CEL: variants seen among roughly 807,000 people sequenced by gnomAD.
CEL encodes the protein bile salt-activated lipase.
In CEL, 39 loss-of-function variants were observed where a neutral mutation model predicts 57.1. The observed-to-expected ratio is 0.68, with a 90% confidence interval of 0.53 to 0.89. The LOEUF (loss-of-function observed/expected upper bound fraction) is 0.89, where lower values mean the gene tolerates loss of function less well. Among genes scored for constraint, CEL ranks in the 40% least tolerant of loss-of-function variants. CEL has a pLI of 0.00. For synonymous variants in CEL, 314 were observed against 396.6 expected (o/e 0.79, Z 2.48); for missense variants, 698 against 915.0 (o/e 0.76, Z 3.06).
chr9:133,070,946 G>C (rs747404638), intron 10 of CEL, 41 bp from the exon 11 acceptor site: 1 of 1,607,194 alleles, frequency 6.2e-7, no homozygotes, highest in East Asian at 2.2e-5. Flanking sequence ...TCAGCCCCCT[G>C]GGAGTCCCCA....
intron 1 of CEL, among the ~76,000 whole-genome samples, chr9:133,062,790 G>A (rs1238125148): frequency 6.6e-6 from 1 of 151,604 alleles, no homozygotes; most frequent in Non-Finnish European, 1.5e-5. Flanking sequence ...GTGGAGAGAA[G>A]CAGGCAGGCA....
chr9:133,065,573 G>A (rs1315672135), intron 4 of CEL, among the ~76,000 whole-genome samples: 18 of 152,204 alleles, frequency 1.2e-4, no homozygotes, highest in African/African-American at 4.3e-4. Flanking sequence ...GGGACTGGGC[G>A]CGGCGGCTCA....
rs1390634898 is a variant in CEL, at chr9:133,071,743, GC to G, written c.2243del (p.Pro748LeufsTer10). ...PTDDSKEAQM[P>X]AVIRF ...CAGATGACTCCAAGGAAGCTCAGATGCCTGCAGTCATTAGGTTTTAGCGTCC... is the reference window on the plus strand; with the variant it reads ...CAGATGACTCCAAGGAAGCTCAGATGCTGCAGTCATTAGGTTTTAGCGTCC... On this transcript the variant is annotated frameshift_variant, in exon 11 of 11. Transcript: ENST00000372080. LOFTEE classifies it high-confidence loss of function. 13 of 1,610,884 alleles carry G rather than the reference GC, an allele frequency of 8.1e-6. No individual in the cohort carries two copies. Among genetic ancestry groups the G allele is most frequent in the Non-Finnish European group, 1.1e-5 (13 of 1,179,032 alleles).
intron 10 of CEL, 106 bp downstream of exon 10, chr9:133,070,764 C>G: frequency 7.0e-7 from 1 of 1,419,448 alleles, no homozygotes; most frequent in South Asian, 1.2e-5. Context: ...GGGCAAGTCA[C>G]TTAACCTCCC....
chr9:133,065,777 C>T (rs1323842841), intron 4 of CEL, among the ~76,000 whole-genome samples: 3 of 138,852 alleles, frequency 2.2e-5, no homozygotes, highest in East Asian at 2.2e-4. Flanking sequence ...ACTCAGGAGG[C>T]GGAGGTTGCG....
chr9:133,066,604 C>T lies in CEL; in HGVS notation c.613C>T (p.Pro205Ser), dbSNP rs772018012. ...GAATATCGCGGCCTTCGGGGGGGACCCCAACAACATCACGCTCTTCGGGGA... is the reference window on the plus strand; with the variant it reads ...GAATATCGCGGCCTTCGGGGGGGACTCCAACAACATCACGCTCTTCGGGGA... The part of the protein sequence containing the change: ...KRNIAAFGGD[P>S]NNITLFGESA... The change falls in exon 5 of 11, where the codon CCC (proline) becomes TCC (serine). Residue 205 changes from proline (P) to serine (S), a missense_variant. Physicochemically the swap from Pro to Ser is moderately conservative, Grantham distance 74. Transcript: ENST00000372080. The surrounding 1 kb of genome is among the most constrained non-coding windows in gnomAD (Gnocchi z 4.3). 1.9e-6 allele frequency: 3 copies of T among 1,613,910 alleles called. No individual in the cohort carries two copies. Among genetic ancestry groups the T allele is most frequent in the Non-Finnish European group, 2.5e-6 (3 of 1,180,020 alleles).
rs371581423 is a variant in CEL at position 133,070,476 on chromosome 9, C to T, written c.1302C>T (p.Tyr434=). 138 of 1,613,438 alleles carry T rather than the reference C, an allele frequency of 8.6e-5. No homozygotes were observed. In the African/African-American group the frequency reaches 1.2e-3, roughly 14 times the overall value. The change falls in exon 10 of 11, where the codon TAC becomes TAT. Residue 434 remains tyrosine, a synonymous_variant. Coordinates refer to ENST00000372080, the MANE Select transcript of CEL (RefSeq NM_001807.6). The part of the protein sequence containing the change: ...HRANAKSAKT[Y]AYLFSHPSRM... ...TCCCCTCCAGGAGTGCCAAGACCTA[C>T]GCCTACCTGTTTTCCCATCCCTCTC...
chr9:133,071,637 CCCCCG>C lies in CEL; in HGVS notation c.2136_2140del (p.Pro713AlafsTer5). The C allele has an allele frequency of 6.6e-7, 1 of 1,519,944 alleles. No homozygotes were observed. Among genetic ancestry groups the C allele is most frequent in the Non-Finnish European group, 9.0e-7 (1 of 1,111,280 alleles). The allele number at this position is 1,519,944 out of a possible 1,614,324, so 94.2% of individuals were successfully genotyped here. ...ACCCCCACGGGTGACTCCGAGACCG[CCCCCG>C]TGCCGCCCACGGGTGACTCCGGGGC... is the stretch of plus-strand genomic sequence containing the variant. On this transcript the variant is annotated frameshift_variant, in exon 11 of 11. Transcript: ENST00000372080. LOFTEE classifies it high-confidence loss of function.
intron 4 of CEL, among the ~76,000 whole-genome samples, chr9:133,065,586 C>G (rs592267): frequency 6.6e-6 from 1 of 152,112 alleles, no homozygotes; most frequent in Non-Finnish European, 1.5e-5. Flanking sequence ...GCGGCTCACC[C>G]CTGTAATCCC....
In CEL at chr9:133,066,972, G is replaced by C. The variant is rs575987314; in HGVS notation, c.777+27G>C. The C allele has an allele frequency of 5.8e-6, 9 of 1,551,478 alleles. No homozygotes were observed. In the South Asian group the frequency reaches 7.8e-5, roughly 13 times the overall value. ...TAAACGGAGGAGGGCAGGGCTGGGCGGGGTGGGGGCTGTCCACATTTCCGT... is the reference window on the plus strand; with the variant it reads ...TAAACGGAGGAGGGCAGGGCTGGGCCGGGTGGGGGCTGTCCACATTTCCGT... On this transcript the variant is annotated intron_variant, in intron 6 of 10. Coordinates refer to ENST00000372080, the MANE Select transcript of CEL (RefSeq NM_001807.6). The surrounding 1 kb of genome is among the most constrained non-coding windows in gnomAD (Gnocchi z 4.3).
In CEL at chr9:133,070,972, C is replaced by T. The variant is rs760481320; in HGVS notation, c.1485-15C>T. On this transcript the variant is annotated splice_polypyrimidine_tract_variant and intron_variant, in intron 10 of 10. Coordinates refer to ENST00000372080, the MANE Select transcript of CEL (RefSeq NM_001807.6). ...GGAGTCCCCAGCCCCTGCACAGCCT[C>T]TTCTCACTCTGCAGGGACCCCAACA... 2.5e-6 allele frequency: 4 copies of T among 1,612,964 alleles called. No homozygotes were observed. The highest frequency in any genetic ancestry group is 1.7e-5 in the Admixed American group (1 of 59,972).
At chr9:133,067,529 TG>T (rs1259409462) in intron 7 of CEL, among the ~76,000 whole-genome samples, 1 of 152,126 alleles carries the variant, frequency 6.6e-6, no homozygotes, top group Non-Finnish European at 1.5e-5. Flanking sequence ...CATGCCACCA[TG>T]CCCAGATAAT....
rs1176889581 is a variant in CEL, at chr9:133,066,111, A to G, written c.539-419A>G. On this transcript the variant is annotated intron_variant, in intron 4 of 10. Coordinates refer to ENST00000372080, the MANE Select transcript of CEL (RefSeq NM_001807.6). The surrounding 1 kb of genome is among the most constrained non-coding windows in gnomAD (Gnocchi z 4.3). ...AGAGCTGAGTGAGAGACAGAGAACAATACCTTGAGGCAGAGACAGCTGTGG... is the reference window on the plus strand; with the variant it reads ...AGAGCTGAGTGAGAGACAGAGAACAGTACCTTGAGGCAGAGACAGCTGTGG... Among the ~76,000 whole-genome samples the G allele has an allele frequency of 1.3e-5, 2 of 152,160 alleles. No homozygotes were observed. Among genetic ancestry groups the G allele is most frequent in the African/African-American group, 4.8e-5 (2 of 41,426 alleles).
In CEL at chr9:133,066,714, A is replaced by G; in HGVS notation, c.669+54A>G. 1 of 1,485,960 alleles carries G rather than the reference A, an allele frequency of 6.7e-7. No individual in the cohort carries two copies. The highest frequency in any genetic ancestry group is 9.4e-7 in the Non-Finnish European group (1 of 1,066,936). The allele number at this position is 1,485,960 out of a possible 1,614,324, so 92.0% of individuals were successfully genotyped here. A position where few individuals can be genotyped will look rare whatever the true frequency, so the allele number is the denominator to read the frequency against. On this transcript the variant is annotated intron_variant, in intron 5 of 10. Transcript: ENST00000372080. The surrounding 1 kb of genome is among the most constrained non-coding windows in gnomAD (Gnocchi z 4.3). ...CCCCACAGGTTGAGAGGAAGCTCAA[A>G]CGGGAAGGGGAGGGTGGGAGGAGGA... is the stretch of plus-strand genomic sequence containing the variant.
At position 133,071,765 on chromosome 9, in the gene CEL, C is replaced by T. The variant is rs371489736; in HGVS notation, c.*1C>T. The T allele has an allele frequency of 3.8e-5, 62 of 1,611,266 alleles. No homozygotes were observed. Among genetic ancestry groups the T allele is most frequent in the South Asian group, 3.8e-4 (35 of 90,992 alleles). On this transcript the variant is annotated 3_prime_UTR_variant, in exon 11 of 11. Coordinates refer to ENST00000372080, the MANE Select transcript of CEL (RefSeq NM_001807.6). Reference sequence around the variant, plus strand: ...GATGCCTGCAGTCATTAGGTTTTAGCGTCCCATGAGCCTTGGTATCAAGAG... The same window carrying T: ...GATGCCTGCAGTCATTAGGTTTTAGTGTCCCATGAGCCTTGGTATCAAGAG...
rs564666083 is a variant in CEL at position 133,067,278 on chromosome 9, C to T, written c.895+73C>T. On this transcript the variant is annotated intron_variant, in intron 7 of 10. Coordinates refer to ENST00000372080, the MANE Select transcript of CEL (RefSeq NM_001807.6). ...AGGGGGGTACTGCCAGGGAGTACTC[C>T]GGAGGAGAGAGGAAGGTGCCAGAGC... is the stretch of plus-strand genomic sequence containing the variant. 7.6e-5 allele frequency: 103 copies of T among 1,361,178 alleles called. No homozygotes were observed. The South Asian group carries it at 1.0e-3, about 13-fold the overall frequency. 84.3% of individuals were successfully genotyped at this position (1,361,178 alleles called of 1,614,324 possible). A position where few individuals can be genotyped will look rare whatever the true frequency, so the allele number is the denominator to read the frequency against.
chr9:133,071,120 C>A lies in CEL; in HGVS notation c.1618C>A (p.Arg540Ser), dbSNP rs375866093. The part of the protein sequence containing the change: ...MKRSLRTNFL[R>S]YWTLTYLALP... ...GCGGAGCCTGAGAACCAACTTCCTG[C>A]GCTACTGGACCCTCACCTATCTGGC... Residue 540 changes from arginine to serine, a missense_variant, in exon 11 of 11, where the codon CGC (arginine) becomes AGC (serine). Around this residue, in one of 6 missense-constraint regions of CEL, gnomAD observed 238 missense variants for 213.7 expected, o/e 1.11. Transcript: ENST00000372080. 2.3e-5 allele frequency: 37 copies of A among 1,609,516 alleles called. No homozygotes were observed. The highest frequency in any genetic ancestry group is 1.4e-5 in the Non-Finnish European group (17 of 1,179,664).
In CEL at chr9:133,064,322, C is replaced by T. The variant is rs773707815; in HGVS notation, c.67-82C>T. On this transcript the variant is annotated intron_variant, in intron 1 of 10. Transcript: ENST00000372080. ...GAAGCTGTCTTTGCCTCTGGGCACG[C>T]GGAGTCGGCTTGCCTTGCCCCCTCC... The T allele has an allele frequency of 1.1e-4, 176 of 1,588,016 alleles. 1 individual carries two copies. The Admixed American group carries it at 1.5e-3, about 14-fold the overall frequency.
intron 9 of CEL, 152 bp from the exon 10 acceptor site, chr9:133,070,309 T>C (rs927843319): frequency 3.1e-6 from 2 of 654,972 alleles, no homozygotes; most frequent in African/African-American, 3.8e-5. Context: ...TTCTCAGCTT[T>C]CCCTTCCCTG....
Sources: allele counts gnomAD v4.1 joint callset (sites outside exome capture counted in the v4.1 genomes callset), GRCh38; gene constraint gnomAD v4.1.1; regional missense constraint gnomAD v4.1.1; non-coding constraint Gnocchi (gnomAD v3.1); transcripts MANE v1.5; gene names NCBI Gene and HGNC (gene_info 2026-07-23, HGNC 2026-07-21).